Variants in LCTL observed in about 807,000 individuals in gnomAD.
LCTL encodes the protein lactase-like protein.
LCTL carries 76 observed loss-of-function variants against 75.8 expected under a neutral mutation model. The observed-to-expected ratio is 1.00, with a 90% confidence interval of 0.83 to 1.21. The LOEUF (loss-of-function observed/expected upper bound fraction) is 1.21, where lower values mean the gene tolerates loss of function less well. LCTL is among the 50% of genes most tolerant of loss of function. The pLI, the probability that LCTL is intolerant of heterozygous loss-of-function variation, is 0.00. For missense variants in LCTL, 670 were observed against 712.4 expected, an observed-to-expected ratio of 0.94 and a Z score of 0.68; for synonymous variants, 271 against 268.8, an observed-to-expected ratio of 1.01 and a Z score of -0.08.
At chr15:66,557,856 T>C in exon 8 of LCTL, 2 of 1,614,042 alleles carry the variant, frequency 1.2e-6, no homozygotes, top group Non-Finnish European at 1.7e-6. Context: ...TTCCCCCCAG[T>C]CACAGTTCAA....
At chr15:66,563,680 G>T in intron 3 of LCTL, 55 bp from the exon 5 acceptor site, 1 of 1,306,990 alleles carries the variant, frequency 7.7e-7, no homozygotes, top group Non-Finnish European at 1.1e-6. Context: ...CTTGGCCTTG[G>T]CCTTCTGGAG....
chr15:66,551,761 A>G (rs752017009), exon 11 of LCTL: 4 of 1,612,886 alleles, frequency 2.5e-6, no homozygotes, highest in Non-Finnish European at 3.4e-6. Flanking sequence ...TAAATTCAAC[A>G]TAGTAGAATC....
exon 8 of LCTL, chr15:66,557,785 G>T (rs1227916259): frequency 1.2e-6 from 2 of 1,614,186 alleles, no homozygotes; most frequent in South Asian, 2.2e-5. Flanking sequence ...AACCAGCCCA[G>T]ACAGAACTGT....
chr15:66,556,451 C>T (rs1385181519), intron 8 of LCTL, among the ~76,000 whole-genome samples: 1 of 152,064 alleles, frequency 6.6e-6, no homozygotes, highest in Non-Finnish European at 1.5e-5. Context: ...ATTACAGTGG[C>T]CTACCACCAT....
At chr15:66,560,489 C>T (rs1475477394) in intron 6 of LCTL, among the ~76,000 whole-genome samples, 1 of 152,150 alleles carries the variant, frequency 6.6e-6, no homozygotes, top group Non-Finnish European at 1.5e-5. Context: ...CAAGCAGAGG[C>T]CATTTGTTCC....
chr15:66,555,337 C>T (rs1014239440), intron 8 of LCTL, among the ~76,000 whole-genome samples: 5 of 150,178 alleles, frequency 3.3e-5, no homozygotes, highest in South Asian at 2.1e-4. Context: ...TGCTCCATCT[C>T]ACTCTCCCAA....
chr15:66,561,130 A>T (rs542399902), intron 5 of LCTL, 29 bp from the exon 7 acceptor site: 5 of 1,614,172 alleles, frequency 3.1e-6, no homozygotes, highest in Non-Finnish European at 4.2e-6. Context: ...GGACCACAGG[A>T]TCCATAAGAA....
At chr15:66,549,589 C>T (rs1530195) in intron 12 of LCTL, 1,969 of 152,970 alleles carry the variant, frequency 0.013, 35 homozygotes, top group African/African-American at 0.045. Flanking sequence ...TCTATGAAGA[C>T]AGGGACCTTG....
exon 13 of LCTL, chr15:66,548,092 G>T: frequency 6.5e-6 from 1 of 153,490 alleles, no homozygotes. Flanking sequence ...CAGCCAGATT[G>T]ATTTTATCTA....
intron 8 of LCTL, among the ~76,000 whole-genome samples, chr15:66,555,910 AT>A (rs1895729606): frequency 6.6e-6 from 1 of 152,238 alleles, no homozygotes; most frequent in Non-Finnish European, 1.5e-5. Flanking sequence ...ACATGAAAAG[AT>A]GCTCTTACTA....
chr15:66,564,637 ACG>A (rs201869346), intron 2 of LCTL, 37 bp downstream of exon 3: 44 of 1,578,286 alleles, frequency 2.8e-5, no homozygotes, highest in South Asian at 6.8e-5. Flanking sequence ...ATGTGTGTGC[ACG>A]CGCGCGCACA....
In LCTL at chr15:66,554,411, A is replaced by G. The variant is rs1261487371; in HGVS notation, c.923-1153T>C. On this transcript the variant is annotated intron_variant, in intron 8 of 12. Coordinates refer to ENST00000341509, the Ensembl canonical transcript of LCTL. ...GAGGCAGAGGTCGCAGTGAGCCAAG[A>G]TCATGCCATTGTACTCCAGCCTGGG... 2.6e-5 allele frequency among the ~76,000 whole-genome samples: 4 copies of G among 152,122 alleles called. No individual in the cohort carries two copies. In the East Asian group the frequency reaches 7.7e-4, roughly 29 times the overall value.
intron 12 of LCTL, 179 bp from the exon 14 acceptor site, chr15:66,548,784 A>C: frequency 2.3e-6 from 1 of 427,972 alleles, no homozygotes; most frequent in South Asian, 4.9e-5. Flanking sequence ...TGAAAATGTT[A>C]TAAGAGCTTT....
intron 12 of LCTL, chr15:66,549,003 G>A (rs1895492050): frequency 6.4e-6 from 1 of 155,912 alleles, no homozygotes; most frequent in African/African-American, 2.4e-5. Context: ...ATATTATTGT[G>A]TATCTTAAGA....
chr15:66,561,730 C>T (rs1895894568), intron 4 of LCTL, among the ~76,000 whole-genome samples: 1 of 152,122 alleles, frequency 6.6e-6, no homozygotes, highest in African/African-American at 2.4e-5. Context: ...TCCAGCTCTC[C>T]TTGGTGGGTT....
upstream of LCTL, chr15:66,565,751 AC>A (rs1253770567): frequency 5.4e-6 from 1 of 184,890 alleles, no homozygotes; most frequent in Non-Finnish European, 1.1e-5. Context: ...CGACACGCAG[AC>A]CCCTCCCCCA....
chr15:66,556,797 G>A (rs1895750605), intron 8 of LCTL, among the ~76,000 whole-genome samples: 1 of 152,150 alleles, frequency 6.6e-6, no homozygotes, highest in African/African-American at 2.4e-5. Flanking sequence ...ACTCGGCAAA[G>A]TTTCAGTTTT....
chr15:66,555,747 C>T (rs1366988910), intron 8 of LCTL, among the ~76,000 whole-genome samples: 1 of 152,088 alleles, frequency 6.6e-6, no homozygotes, highest in Non-Finnish European at 1.5e-5. Flanking sequence ...AAAAAACCCA[C>T]ATAGAATGGG....
At chr15:66,552,691 ATT>A (rs1567058471) in intron 9 of LCTL, among the ~76,000 whole-genome samples, 21 of 95,636 alleles carry the variant, frequency 2.2e-4, no homozygotes, top group South Asian at 4.4e-4. Flanking sequence ...AAAAAAAAAC[ATT>A]GTTGGAGGGG....
Sources: allele counts gnomAD v4.1 joint callset (sites outside exome capture counted in the v4.1 genomes callset), GRCh38; gene constraint gnomAD v4.1.1; transcripts MANE v1.5; gene names NCBI Gene and HGNC (gene_info 2026-07-23, HGNC 2026-07-21).